Variants in CARF observed in about 807,000 individuals in gnomAD.
CARF encodes calcium responsive transcription factor.
In CARF, 57 loss-of-function variants were observed where a neutral mutation model predicts 82.0. The observed-to-expected ratio is 0.70, with a 90% CI of 0.56 to 0.87. The LOEUF (loss-of-function observed/expected upper bound fraction) is 0.87. Ranked by LOEUF, CARF falls within the 40% of genes least tolerant of loss-of-function variation. The probability of loss-of-function intolerance (pLI) is 0.00; values close to 1 mark genes in which losing one functional copy is unlikely to be tolerated. For missense variants in CARF, 771 were observed against 855.8 expected, an observed-to-expected ratio of 0.90 and a Z score of 1.24; for synonymous variants, 268 against 290.1, an observed-to-expected ratio of 0.92 and a Z score of 0.77.
At chr2:202,972,354 A>T (rs917448858) in intron 12 of CARF, among the ~76,000 whole-genome samples, 1 of 151,998 alleles carries the variant, frequency 6.6e-6, no homozygotes, top group Non-Finnish European at 1.5e-5. Context: ...GAGAAACTGG[A>T]GTCTCAGAGT....
rs752643457 is a variant in CARF, at chr2:202,924,100, G to A, written c.-162-197G>A. On this transcript the variant is annotated intron_variant, in intron 2 of 16. Transcript: ENST00000438828. ...ATATCTTCTTTAGTGAAGTTGTATC[G>A]TCAAACATCTTGCCAATTTTTTTAG... Among the ~76,000 whole-genome samples, 5 of 152,178 alleles carry A rather than the reference G, an allele frequency of 3.3e-5. No homozygotes were observed. The East Asian group carries it at 5.8e-4, about 18-fold the overall frequency.
chr2:202,922,245 C>T (rs1390209454), intron 2 of CARF, among the ~76,000 whole-genome samples: 1 of 152,066 alleles, frequency 6.6e-6, no homozygotes, highest in Admixed American at 6.6e-5. Flanking sequence ...TTCTAAGTAG[C>T]TGGGACCACG....
At chr2:202,975,705 T>C (rs773637057) in intron 13 of CARF, among the ~76,000 whole-genome samples, 4 of 152,234 alleles carry the variant, frequency 2.6e-5, no homozygotes, top group African/African-American at 4.8e-5. Flanking sequence ...TTGAGTACTA[T>C]TGTATATATT....
At chr2:202,956,429 T>C (rs1298179644) in intron 8 of CARF, among the ~76,000 whole-genome samples, 2 of 151,984 alleles carry the variant, frequency 1.3e-5, no homozygotes, top group African/African-American at 4.8e-5. Context: ...CTAATTTTTG[T>C]ATTTTTAGCA....
chr2:202,950,892 T>A (rs1056711030), intron 5 of CARF, among the ~76,000 whole-genome samples: 41 of 152,316 alleles, frequency 2.7e-4, no homozygotes, highest in African/African-American at 9.4e-4. Flanking sequence ...AGAAACTTGT[T>A]GAACATTGGG....
rs1164681481 is a variant in CARF, at chr2:202,974,491, G to A, written c.1489G>A (p.Ala497Thr). ...DTVYNSEIIP[A>T]TLQWTTDSGN... ...GGTATATAACTCAGAGATTATTCCA[G>A]CAACGGTATGATTACAACCATAATT... Residue 497 changes from alanine (A) to threonine (T), a missense_variant, in exon 13 of 17, where the codon GCA (alanine) becomes ACA (threonine). By Grantham distance (58) the Ala-to-Thr change is moderately conservative. Coordinates refer to ENST00000438828, the MANE Select transcript of CARF (RefSeq NM_024744.17). 2 of 1,596,404 alleles carry A rather than the reference G, an allele frequency of 1.3e-6. No individual in the cohort carries two copies. The highest frequency in any genetic ancestry group is 1.1e-5 in the South Asian group (1 of 87,148).
chr2:202,955,574 A>T lies in CARF; in HGVS notation c.558-100A>T, dbSNP rs547687755. The T allele has an allele frequency of 1.2e-4, 86 of 697,714 alleles. 2 individuals are homozygous for T. The South Asian group carries it at 2.1e-3, about 17-fold the overall frequency. The allele number at this position is 697,714 out of a possible 1,614,324, so 43.2% of individuals were successfully genotyped here. A position where few individuals can be genotyped will look rare whatever the true frequency, so the allele number is the denominator to read the frequency against. Reference sequence around the variant, plus strand: ...TTATTGTTAAAATTTGTTATTGATGACTTCAATATTTGTCTTTGATACTAA... The same window carrying T: ...TTATTGTTAAAATTTGTTATTGATGTCTTCAATATTTGTCTTTGATACTAA... On this transcript the variant is annotated intron_variant, in intron 7 of 16. Transcript: ENST00000438828.
At chr2:202,974,541 T>G in intron 13 of CARF, 45 bp downstream of exon 13, 1 of 1,514,346 alleles carries the variant, frequency 6.6e-7, no homozygotes, top group East Asian at 2.4e-5. Flanking sequence ...CTTTCTCAGC[T>G]TCTATTAATA....
At position 202,952,584 on chromosome 2, in the gene CARF, A is replaced by G. The variant is rs201549969; in HGVS notation, c.332A>G (p.Asn111Ser). Residue 111 changes from asparagine (N) to serine (S), a missense_variant, in exon 6 of 17, where the codon AAT (asparagine) becomes AGT (serine). Transcript: ENST00000438828. The part of the protein sequence containing the change: ...QMMIVASPTE[N>S]GQVLRVIPPT... Reference sequence around the variant, plus strand: ...ATGATCGTTGCCAGCCCAACAGAAAATGGACAGGTACTTCGTGTAATTCCA... The same window carrying G: ...ATGATCGTTGCCAGCCCAACAGAAAGTGGACAGGTACTTCGTGTAATTCCA... The G allele has an allele frequency of 2.6e-4, 422 of 1,613,760 alleles. No individual in the cohort carries two copies. Among genetic ancestry groups the G allele is most frequent in the Non-Finnish European group, 3.5e-4 (412 of 1,179,938 alleles).
At chr2:202,950,092 A>C (rs116639367) in intron 5 of CARF, among the ~76,000 whole-genome samples, 455 of 152,346 alleles carry the variant, frequency 3.0e-3, no homozygotes, top group African/African-American at 0.011. Context: ...TTTCATAGCA[A>C]AGATTTTAGG....
rs534938708 is a variant in CARF, at chr2:202,970,069, C to A, written c.1097+7C>A. On this transcript the variant is annotated splice_region_variant and intron_variant, in intron 11 of 16. Transcript: ENST00000438828. The stretch of plus-strand genomic sequence containing the variant: ...ATGCTGGTGGTGTTCTTAGGTATGA[C>A]ATTTTTATAGTTCTTTTATTTTACA... The A allele has an allele frequency of 1.2e-5, 19 of 1,549,388 alleles. No individual in the cohort carries two copies. In the Admixed American group the frequency reaches 1.9e-4, roughly 16 times the overall value.
chr2:202,942,544 T>C (rs2058279737), intron 4 of CARF, 196 bp from the exon 5 acceptor site: 1 of 803,116 alleles, frequency 1.2e-6, no homozygotes, highest in South Asian at 5.8e-5. Context: ...ACAATTTTGG[T>C]AAAATTAAGA....
intron 8 of CARF, among the ~76,000 whole-genome samples, chr2:202,957,675 C>T (rs543275764): frequency 6.6e-6 from 1 of 152,224 alleles, no homozygotes; most frequent in East Asian, 1.9e-4. Context: ...CTAGCTTAGG[C>T]CGGGTGCGGT....
intron 7 of CARF, among the ~76,000 whole-genome samples, chr2:202,955,124 T>A (rs903733521): frequency 2.0e-5 from 3 of 152,222 alleles, no homozygotes; most frequent in African/African-American, 7.2e-5. Flanking sequence ...TTTGCTAACT[T>A]TTATTTCAGT....
intron 15 of CARF, 121 bp from the exon 16 acceptor site, chr2:202,981,951 A>T (rs1304810857): frequency 9.0e-7 from 1 of 1,112,964 alleles, no homozygotes; most frequent in Non-Finnish European, 1.3e-6. Context: ...TCATTTAATA[A>T]TTATTTTTAA....
rs190342419 is a variant in CARF, at chr2:202,973,347, G to C, written c.1332-987G>C. The C allele has an allele frequency of 8.7e-5, 31 of 356,522 alleles. No homozygotes were observed. The Admixed American group carries it at 1.0e-3, about 12-fold the overall frequency. The allele number at this position is 356,522 out of a possible 1,614,324, so 22.1% of individuals were successfully genotyped here. On this transcript the variant is annotated intron_variant, in intron 12 of 16. Coordinates refer to ENST00000438828, the MANE Select transcript of CARF (RefSeq NM_024744.17). ...CAATGGAAGTATAATACAGTTCTGC[G>C]ATTTGGTCCACCAAATGTAATAAGC...
chr2:202,966,555 C>A (rs375422385), intron 9 of CARF, among the ~76,000 whole-genome samples: 1 of 151,962 alleles, frequency 6.6e-6, no homozygotes, highest in African/African-American at 2.4e-5. Flanking sequence ...ACTAAAAATA[C>A]AAAAATTAGC....
At chr2:202,937,184 C>T (rs181057542) in intron 3 of CARF, among the ~76,000 whole-genome samples, 2 of 152,190 alleles carry the variant, frequency 1.3e-5, no homozygotes, top group East Asian at 1.9e-4. Flanking sequence ...TTTTTTGCAG[C>T]CCATAGATTT....
intron 9 of CARF, among the ~76,000 whole-genome samples, chr2:202,964,969 T>G (rs2059490316): frequency 6.6e-6 from 1 of 151,588 alleles, no homozygotes; most frequent in South Asian, 2.1e-4. Flanking sequence ...AGTAACTTTG[T>G]AATGTTATAA....
Sources: gnomAD v4.1 joint callset for allele counts (sites outside exome capture counted in the v4.1 genomes callset) on GRCh38, gnomAD v4.1.1 for gene constraint, MANE v1.5 for transcripts, NCBI Gene and HGNC (gene_info 2026-07-23, HGNC 2026-07-21) for gene names.